Variants in PCDHA1 observed in about 807,000 individuals in gnomAD.
The protein encoded by PCDHA1 is protocadherin alpha 1, also known as protocadherin alpha-1.
A neutral mutation model predicts 61.3 loss-of-function variants in PCDHA1; 42 were observed. The observed-to-expected ratio is 0.69, with a 90% confidence interval of 0.54 to 0.89. The LOEUF (loss-of-function observed/expected upper bound fraction) is 0.89, where lower values mean the gene tolerates loss of function less well. Among genes scored for constraint, PCDHA1 ranks in the 40% least tolerant of loss-of-function variants. The pLI, the probability that PCDHA1 is intolerant of heterozygous loss-of-function variation, is 0.00. For synonymous variants in PCDHA1, 610 were observed against 553.8 expected (o/e 1.10, Z -1.43); for missense variants, 1,256 against 1,235.3 (o/e 1.02, Z -0.25).
intron 1 of PCDHA1, chr5:140,843,909 G>T: frequency 8.0e-6 from 5 of 623,976 alleles, no homozygotes; most frequent in Non-Finnish European, 1.4e-5. Context: ...CCACAAGTTG[G>T]GTCTATCTTG....
intron 1 of PCDHA1, chr5:140,926,357 A>G (rs1385567779): frequency 1.3e-5 from 2 of 152,178 alleles, no homozygotes; most frequent in Admixed American, 6.5e-5. Flanking sequence ...GCGGCTCCCA[A>G]AGGGCGGCAG....
At chr5:140,966,695 C>A in intron 1 of PCDHA1, 1 of 1,358,486 alleles carries the variant, frequency 7.4e-7, no homozygotes, top group Non-Finnish European at 9.5e-7. Flanking sequence ...AGGCGGGGCC[C>A]GGGCGTGGGG....
intron 1 of PCDHA1, chr5:140,813,165 A>G (rs1448346910): frequency 1.3e-5 from 2 of 152,148 alleles, no homozygotes; most frequent in Non-Finnish European, 2.9e-5. Flanking sequence ...TTTCAGCTAT[A>G]GTGTTGTTCA....
chr5:140,940,940 G>A (rs187772223), intron 1 of PCDHA1, among the ~76,000 whole-genome samples: 2 of 152,254 alleles, frequency 1.3e-5, no homozygotes, highest in Non-Finnish European at 2.9e-5. Context: ...CTTAGACTAC[G>A]TATTCTCAGA....
chr5:140,967,404 A>C (rs2096137449), intron 1 of PCDHA1: 1 of 1,612,076 alleles, frequency 6.2e-7, no homozygotes, highest in Non-Finnish European at 8.5e-7. Flanking sequence ...GTGCTGCGTA[A>C]GGGCCTAGAC....
chr5:140,871,452 G>C, intron 1 of PCDHA1: 1 of 1,608,608 alleles, frequency 6.2e-7, no homozygotes, highest in Non-Finnish European at 8.5e-7. Context: ...ATAAAGAGGA[G>C]GAAGGGGAAA....
chr5:140,931,907 G>A (rs573618162), intron 1 of PCDHA1, among the ~76,000 whole-genome samples: 107 of 151,900 alleles, frequency 7.0e-4, no homozygotes, highest in Middle Eastern at 3.5e-3. Context: ...CATTTGAAAA[G>A]CATGACATTT....
At chr5:140,934,319 A>G (rs1292813425) in intron 1 of PCDHA1, among the ~76,000 whole-genome samples, 1 of 152,146 alleles carries the variant, frequency 6.6e-6, no homozygotes, top group Non-Finnish European at 1.5e-5. Context: ...CAAATGTCCA[A>G]TCATGAATGT....
intron 1 of PCDHA1, chr5:140,967,445 C>T (rs782571799): frequency 3.1e-6 from 5 of 1,613,550 alleles, no homozygotes; most frequent in Non-Finnish European, 4.2e-6. Flanking sequence ...CCACCTGGTT[C>T]TCACAGCCGT....
Position 140,882,079 on chromosome 5 carries a change from G to A in PCDHA1, c.2394+93395G>A. ...CTTACACGTTCATGCGCATGGTGTC[G>A]CTCTTCACTGAGAACGTTTCCGCGA... On this transcript the variant is annotated intron_variant, in intron 1 of 3. Transcript: ENST00000504120. The A allele has an allele frequency of 3.1e-6, 3 of 952,852 alleles. No homozygotes were observed. In the East Asian group the frequency reaches 7.8e-5, roughly 25 times the overall value. 59.0% of individuals were successfully genotyped at this position (952,852 alleles called of 1,614,324 possible). A position where few individuals can be genotyped will look rare whatever the true frequency, so the allele number is the denominator to read the frequency against.
Position 140,879,336 on chromosome 5 carries a change from AG to A in PCDHA1, c.2394+90653del, listed in dbSNP as rs1391403992. Among the ~76,000 whole-genome samples, 16 of 152,362 alleles carry A rather than the reference AG, an allele frequency of 1.1e-4. No individual in the cohort carries two copies. In the East Asian group the frequency reaches 2.9e-3, roughly 28 times the overall value. ...TGACTCTCACTTTTTTAGTTTGTTC[AG>A]CTGAGAAGATGACATTGCCATTAAC... On this transcript the variant is annotated intron_variant, in intron 1 of 3. Transcript: ENST00000504120.
chr5:140,898,628 C>T (rs1305030651), intron 1 of PCDHA1, among the ~76,000 whole-genome samples: 2 of 152,176 alleles, frequency 1.3e-5, no homozygotes, highest in African/African-American at 4.8e-5. Context: ...TAGCATAATG[C>T]CTCCAGCTTT....
rs2150098018 is a variant in PCDHA1, at chr5:140,817,392, G to A, written c.2394+28708G>A. 3 of 152,162 alleles carry A rather than the reference G, an allele frequency of 2.0e-5. No homozygotes were observed. In the East Asian group the frequency reaches 5.8e-4, roughly 29 times the overall value. 9.4% of individuals were successfully genotyped at this position (152,162 alleles called of 1,614,324 possible). On this transcript the variant is annotated intron_variant, in intron 1 of 3. Coordinates refer to ENST00000504120, the MANE Select transcript of PCDHA1 (RefSeq NM_018900.4). The stretch of plus-strand genomic sequence containing the variant: ...TCGGCACTTATCACCATGGGAATTG[G>A]TCCTTGTATTGTTGTTGAGTTGGTA...
intron 1 of PCDHA1, among the ~76,000 whole-genome samples, chr5:140,800,411 T>C (rs1362325122): frequency 6.6e-6 from 1 of 152,182 alleles, no homozygotes; most frequent in Non-Finnish European, 1.5e-5. Context: ...TAAATGTACA[T>C]ATTTTAAGAA....
At chr5:140,863,648 T>C (rs2048105633) in intron 1 of PCDHA1, 2 of 299,994 alleles carry the variant, frequency 6.7e-6, no homozygotes, top group Non-Finnish European at 1.3e-5. Context: ...AAGTTATTAA[T>C]TTGATTGCTT....
At chr5:140,953,104 G>T (rs535123595) in intron 1 of PCDHA1, among the ~76,000 whole-genome samples, 1 of 152,244 alleles carries the variant, frequency 6.6e-6, no homozygotes, top group African/African-American at 2.4e-5. Flanking sequence ...CATGAGATTT[G>T]GGCAGGGACA....
intron 1 of PCDHA1, chr5:140,926,823 G>C (rs1454618329): frequency 6.7e-7 from 1 of 1,496,998 alleles, no homozygotes; most frequent in Non-Finnish European, 8.9e-7. Context: ...TGCTCTCCAG[G>C]AGTCCGGAGC....
intron 1 of PCDHA1, chr5:140,968,123 C>A: frequency 6.2e-7 from 1 of 1,614,178 alleles, no homozygotes; most frequent in Non-Finnish European, 8.5e-7. Context: ...CACATCCCTG[C>A]GTACACTGAA....
chr5:140,940,552 G>A (rs1198606745), intron 1 of PCDHA1, among the ~76,000 whole-genome samples: 4 of 152,018 alleles, frequency 2.6e-5, no homozygotes, highest in African/African-American at 9.7e-5. Flanking sequence ...GGGCTCAAGT[G>A]ATTCTCCTAC....
Sources: gnomAD v4.1 joint callset for allele counts (sites outside exome capture counted in the v4.1 genomes callset) on GRCh38, gnomAD v4.1.1 for gene constraint, MANE v1.5 for transcripts, NCBI Gene and HGNC (gene_info 2026-07-23, HGNC 2026-07-21) for gene names.